KLHL8: variants seen among roughly 807,000 people sequenced by gnomAD.
KLHL8 encodes kelch like family member 8.
KLHL8 carries 38 observed loss-of-function variants against 63.5 expected under a neutral mutation model. The ratio of observed to expected loss-of-function variants is 0.60; its 90% CI spans 0.46 to 0.78. The LOEUF is 0.78. Ranked by LOEUF, KLHL8 falls within the 30% of genes least tolerant of loss-of-function variation. The pLI is 0.00. For synonymous variants in KLHL8, 224 were observed against 254.3 expected (o/e 0.88, Z 1.13); for missense variants, 566 against 752.4 (o/e 0.75, Z 2.90).
intron 1 of KLHL8, among the ~76,000 whole-genome samples, chr4:87,239,398 A>T (rs1733290316): frequency 6.6e-6 from 1 of 152,212 alleles, no homozygotes; most frequent in African/African-American, 2.4e-5. Flanking sequence ...ACTCCATCTG[A>T]TGTGTAATAC....
intron 1 of KLHL8, among the ~76,000 whole-genome samples, chr4:87,236,809 C>T (rs1001499266): frequency 6.6e-5 from 10 of 151,680 alleles, no homozygotes; most frequent in African/African-American, 1.5e-4. Context: ...GGATTACAGG[C>T]GTGCACCACC....
chr4:87,186,918 GT>G (rs953987159), intron 2 of KLHL8, among the ~76,000 whole-genome samples: 8 of 150,822 alleles, frequency 5.3e-5, no homozygotes, highest in African/African-American at 1.7e-4. Flanking sequence ...CTCAACTGAG[GT>G]TTTTTTTTAT....
intron 1 of KLHL8, among the ~76,000 whole-genome samples, chr4:87,202,001 T>G (rs1318518784): frequency 2.6e-5 from 4 of 151,550 alleles, no homozygotes; most frequent in Non-Finnish European, 4.4e-5. Context: ...CCAGCTACTC[T>G]GAGGCTGAGG....
intron 1 of KLHL8, among the ~76,000 whole-genome samples, chr4:87,206,424 C>T (rs1247687539): frequency 6.6e-6 from 1 of 152,164 alleles, no homozygotes; most frequent in Non-Finnish European, 1.5e-5. Flanking sequence ...TCTTTTTCTC[C>T]ATTCATTTTT....
chr4:87,236,565 A>G (rs567341834), intron 1 of KLHL8, among the ~76,000 whole-genome samples: 5 of 152,004 alleles, frequency 3.3e-5, no homozygotes, highest in African/African-American at 1.2e-4. Context: ...AGGGCATAAC[A>G]TCACTTTAGA....
At chr4:87,221,786 A>T (rs1732862310), upstream of KLHL8, among the ~76,000 whole-genome samples, 2 of 152,212 alleles carry the variant, frequency 1.3e-5, no homozygotes, top group Non-Finnish European at 2.9e-5. Context: ...TTACATTGAA[A>T]TATAAATAAT....
In KLHL8 at chr4:87,195,511, T is replaced by C. The variant is rs1159202356; in HGVS notation, c.29A>G (p.Gln10Arg). 1.2e-6 allele frequency: 2 copies of C among 1,613,596 alleles called. No homozygotes were observed. The highest frequency in any genetic ancestry group is 1.1e-5 in the South Asian group (1 of 91,066). MASDSMSSK[Q>R]ARNHITKGKR... is the part of the protein sequence containing the mutation. ...CCCCTTTGTAATGTGATTCCTAGCTTGTTTACTACTCATAGAATCTGAAGC... is the reference window on the plus strand; with the variant it reads ...CCCCTTTGTAATGTGATTCCTAGCTCGTTTACTACTCATAGAATCTGAAGC... The change falls in exon 2 of 10, where the codon CAA (glutamine) becomes CGA (arginine). Residue 10 changes from glutamine to arginine, a missense_variant. Physicochemically the swap from Gln to Arg is conservative, Grantham distance 43. Coordinates refer to ENST00000273963, the MANE Select transcript of KLHL8 (RefSeq NM_020803.5).
chr4:87,174,467 C>T (rs921335544), intron 6 of KLHL8, among the ~76,000 whole-genome samples: 1 of 151,942 alleles, frequency 6.6e-6, no homozygotes, highest in Non-Finnish European at 1.5e-5. Flanking sequence ...TTAGTAGAGA[C>T]GGTGTTTTGC....
chr4:87,189,809 CAGG>C, intron 2 of KLHL8, among the ~76,000 whole-genome samples: 1 of 151,766 alleles, frequency 6.6e-6, no homozygotes, highest in South Asian at 2.1e-4. Context: ...GAGGGCGGAT[CAGG>C]AGGTCAGGAG....
At chr4:87,207,714 T>C (rs1172633349) in intron 1 of KLHL8, 1 of 886,722 alleles carries the variant, frequency 1.1e-6, no homozygotes, top group Non-Finnish European at 1.9e-6. Context: ...TCCCTGCCTC[T>C]ACTGGTGCTG....
chr4:87,226,813 ATATAATATATATTATT>A lies in KLHL8; in HGVS notation n.58-5439_58-5424del, dbSNP rs1733011515. ...ATATATTATATATAATATATATTAT[ATATAATATATATTATT>A]TATAAATAATATATATATTATATAT... On this transcript the variant is annotated intron_variant and non_coding_transcript_variant, in intron 1 of 1. Coordinates refer to the KLHL8 transcript ENST00000506274. 2.3e-4 allele frequency among the ~76,000 whole-genome samples: 3 copies of A among 13,298 alleles called. 1 individual carries two copies. Among genetic ancestry groups the A allele is most frequent in the African/African-American group, 1.3e-3 (3 of 2,248 alleles). The allele number at this position is 13,298 out of a possible 152,430, so 8.7% of individuals were successfully genotyped here.
At chr4:87,204,370 A>G (rs1329319138) in intron 1 of KLHL8, among the ~76,000 whole-genome samples, 3 of 151,954 alleles carry the variant, frequency 2.0e-5, no homozygotes, top group Non-Finnish European at 2.9e-5. Flanking sequence ...AATGCAAAAC[A>G]GCATCACTGT....
In KLHL8 at chr4:87,195,328, A is replaced by T; in HGVS notation, c.212T>A (p.Leu71His). The T allele has an allele frequency of 6.2e-7, 1 of 1,611,028 alleles. No individual in the cohort carries two copies. Among genetic ancestry groups the T allele is most frequent in the Non-Finnish European group, 8.5e-7 (1 of 1,179,332 alleles). The change falls in exon 2 of 10, where the codon CTC becomes CAC. Residue 71 changes from leucine to histidine, a missense_variant. Coordinates refer to ENST00000273963, the MANE Select transcript of KLHL8 (RefSeq NM_020803.5). Reference protein sequence around the residue: ...YENGELCDVTLKVGSKLISCH... With the variant: ...YENGELCDVTHKVGSKLISCH... ...GTACAAAAAAGGCAATCTCACCTTGAGTGTGACATCACAGAGTTCTCCATT... is the reference window on the plus strand; with the variant it reads ...GTACAAAAAAGGCAATCTCACCTTGTGTGTGACATCACAGAGTTCTCCATT...
chr4:87,184,366 T>C (rs985701072), intron 3 of KLHL8, among the ~76,000 whole-genome samples: 2 of 152,232 alleles, frequency 1.3e-5, no homozygotes, highest in Non-Finnish European at 2.9e-5. Context: ...TGCCTATAAA[T>C]ATCTAAAATG....
At chr4:87,200,477 A>C (rs1384704899) in intron 1 of KLHL8, among the ~76,000 whole-genome samples, 1 of 152,240 alleles carries the variant, frequency 6.6e-6, no homozygotes, top group East Asian at 1.9e-4. Context: ...GATTTAAAAA[A>C]CATTTTCAAT....
intron 9 of KLHL8, 44 bp downstream of exon 9, chr4:87,163,834 A>T: frequency 6.3e-7 from 1 of 1,581,050 alleles, no homozygotes; most frequent in African/African-American, 1.3e-5. Flanking sequence ...ATCTACTATT[A>T]TACCAGAAGA....
intron 6 of KLHL8, among the ~76,000 whole-genome samples, chr4:87,174,630 T>C (rs957655264): frequency 3.3e-5 from 5 of 152,198 alleles, no homozygotes; most frequent in African/African-American, 1.2e-4. Context: ...CAATATTTAC[T>C]AAGATAGCCC....
At chr4:87,197,819 A>G (rs1177758163) in intron 1 of KLHL8, among the ~76,000 whole-genome samples, 3 of 152,188 alleles carry the variant, frequency 2.0e-5, no homozygotes, top group African/African-American at 7.2e-5. Context: ...GAAAACAAAT[A>G]GCATAATCAG....
At position 87,214,415 on chromosome 4, in the gene KLHL8, GATATATATATATATATATATATAT is replaced by G. The variant is rs58112792; in HGVS notation, c.-152+5979_-152+6002del. 6.6e-3 allele frequency among the ~76,000 whole-genome samples: 613 copies of G among 93,118 alleles called. 11 individuals carry two copies. Among genetic ancestry groups the G allele is most frequent in the African/African-American group, 0.02 (535 of 27,190 alleles). The allele number at this position is 93,118 out of a possible 152,430, so 61.1% of individuals were successfully genotyped here. On this transcript the variant is annotated intron_variant, in intron 1 of 9. Transcript: ENST00000273963. The stretch of plus-strand genomic sequence containing the variant: ...TGAGTTAACAAACTGGCACATAACA[GATATATATATATATATATATATAT>G]ATATATATATATATATATATAATTG...
Sources: gnomAD v4.1 joint callset for allele counts (sites outside exome capture counted in the v4.1 genomes callset) on GRCh38, gnomAD v4.1.1 for gene constraint, MANE v1.5 for transcripts, NCBI Gene and HGNC (gene_info 2026-07-23, HGNC 2026-07-21) for gene names.